The following FAM161B variants were observed in gnomAD, a reference collection of about 807,000 sequenced individuals.
FAM161B encodes protein FAM161B.
FAM161B carries 46 observed loss-of-function variants against 61.5 expected under a neutral mutation model. The observed-to-expected ratio is 0.75, with a 90% confidence interval of 0.59 to 0.96. The LOEUF (loss-of-function observed/expected upper bound fraction) is 0.96, where lower values mean the gene tolerates loss of function less well. FAM161B is among the 40% of genes least tolerant of loss of function. The probability of loss-of-function intolerance (pLI) is 0.00; values close to 1 mark genes in which losing one functional copy is unlikely to be tolerated. For missense variants in FAM161B, 774 were observed against 800.7 expected (o/e 0.97, Z 0.40); for synonymous variants, 284 against 302.7 (o/e 0.94, Z 0.64).
intron 4 of FAM161B, among the ~76,000 whole-genome samples, chr14:73,941,894 T>C (rs569581193): frequency 1.3e-5 from 2 of 152,138 alleles, no homozygotes; most frequent in Non-Finnish European, 2.9e-5. Flanking sequence ...TTAGTAGAGA[T>C]GGGGTTTTGC....
At chr14:73,945,070 T>G (rs1429233869) in intron 2 of FAM161B, among the ~76,000 whole-genome samples, 185 bp from the exon 3 acceptor site, 2 of 152,152 alleles carry the variant, frequency 1.3e-5, no homozygotes, top group Non-Finnish European at 2.9e-5. Flanking sequence ...TAATGGAAAG[T>G]CTCTTCTCAG....
chr14:73,932,502 G>GAT lies in FAM161B; in HGVS notation c.*1752_*1753dup. On this transcript the variant is annotated 3_prime_UTR_variant, in exon 9 of 9. Coordinates refer to ENST00000286544, the MANE Select transcript of FAM161B (RefSeq NM_152445.3). The stretch of plus-strand genomic sequence containing the variant: ...ATCTGAGAAAATGGCAATAAAAACA[G>GAT]ATACTTCTGAATTTTTCCACAAAGA... 2.2e-6 allele frequency: 1 copy of GAT among 450,770 alleles called. No homozygotes were observed. Among genetic ancestry groups the GAT allele is most frequent in the Non-Finnish European group, 4.4e-6 (1 of 225,638 alleles). The allele number at this position is 450,770 out of a possible 1,614,324, so 27.9% of individuals were successfully genotyped here. A position where few individuals can be genotyped will look rare whatever the true frequency, so the allele number is the denominator to read the frequency against.
At chr14:73,927,853 T>TTTTA (rs2055856927), downstream of FAM161B, 1 of 152,536 alleles carries the variant, frequency 6.6e-6, no homozygotes, top group Non-Finnish European at 1.4e-5. Flanking sequence ...TTTTTTAATT[T>TTTTA]TTTAGACGGA....
rs1042756392 is a variant in FAM161B, at chr14:73,946,594, G to A, written c.66C>T (p.Pro22=). Residue 22 remains proline (P), a synonymous_variant, in exon 2 of 9, where the codon CCC becomes CCT. Transcript: ENST00000286544. ...CTGCCTCTGTGTCTGCGAAGGACTC[G>A]GGGGGAAATATCTAAAATAGAATAG... ...GAEGSRQIFP[P]ESFADTEAGE... is the part of the protein sequence containing the mutation. 22 of 1,612,432 alleles carry A rather than the reference G, an allele frequency of 1.4e-5. No individual in the cohort carries two copies. Among genetic ancestry groups the A allele is most frequent in the East Asian group, 4.5e-5 (2 of 44,846 alleles).
At chr14:73,927,423 T>C (rs558195174), downstream of FAM161B, among the ~76,000 whole-genome samples, 1 of 152,202 alleles carries the variant, frequency 6.6e-6, no homozygotes, top group African/African-American at 2.4e-5. Flanking sequence ...TCATCAACCA[T>C]AGGGTTGCCC....
rs1049139615 is a variant in FAM161B at position 73,942,417 on chromosome 14, C to T, written c.1224G>A (p.Leu408=). Residue 408 remains leucine (L), a synonymous_variant, in exon 4 of 9, where the codon CTG becomes CTA. Coordinates refer to ENST00000286544, the MANE Select transcript of FAM161B (RefSeq NM_152445.3). The part of the protein sequence containing the change: ...NKPFLLRTAN[L]RHPQRPCDAA... ...CATCACAGGGCCGCTGAGGGTGGCG[C>T]AGGTTGGCGGTCCTCAGCAAGAAGG... 1 of 1,614,058 alleles carries T rather than the reference C, an allele frequency of 6.2e-7. No homozygotes were observed. The highest frequency in any genetic ancestry group is 8.5e-7 in the Non-Finnish European group (1 of 1,180,032).
intron 8 of FAM161B, among the ~76,000 whole-genome samples, chr14:73,935,009 G>A (rs1407265402): frequency 6.6e-6 from 1 of 151,404 alleles, no homozygotes; most frequent in Non-Finnish European, 1.5e-5. Flanking sequence ...ACTGCAGTGA[G>A]CCAAGACTGC....
intron 8 of FAM161B, among the ~76,000 whole-genome samples, chr14:73,935,403 C>G (rs1269775799): frequency 6.6e-6 from 1 of 151,960 alleles, no homozygotes; most frequent in Non-Finnish European, 1.5e-5. Context: ...TGGCGGGAGC[C>G]TGTAATCCCA....
chr14:73,940,365 G>A (rs1042874822), intron 5 of FAM161B, among the ~76,000 whole-genome samples: 75 of 152,070 alleles, frequency 4.9e-4, no homozygotes, highest in African/African-American at 1.8e-3. Context: ...TCATATTTGC[G>A]GCAACTTCAG....
chr14:73,944,956 C>G, intron 2 of FAM161B, 71 bp from the exon 3 acceptor site: 7 of 1,279,566 alleles, frequency 5.5e-6, no homozygotes, highest in Non-Finnish European at 7.2e-6. Context: ...AGACCTCCTC[C>G]CCAGTCCTCC....
At chr14:73,923,346 G>GT in the FAM161B span, 1 of 1,592,506 alleles carries the variant, frequency 6.3e-7, no homozygotes, top group Admixed American at 1.7e-5. Context: ...CCAGATAGGT[G>GT]TATCTCTGGA....
At position 73,942,666 on chromosome 14, in the gene FAM161B, C is replaced by T. The variant is rs369870556; in HGVS notation, c.975G>A (p.Met325Ile). ...KIRIQMRALD[M>I]LQMASSPIAS... is the part of the protein sequence containing the mutation. ...CGATAGGGGAAGAGGCCATCTGGAG[C>T]ATGTCCAGGGCTCTCATTTGGATGC... Residue 325 changes from methionine to isoleucine, a missense_variant, in exon 4 of 9, where the codon ATG (methionine) becomes ATA (isoleucine). By Grantham distance (10) the Met-to-Ile change is conservative (BLOSUM62 1). Transcript: ENST00000286544. The T allele has an allele frequency of 6.2e-6, 10 of 1,614,068 alleles. No homozygotes were observed. The African/African-American group carries it at 1.2e-4, about 19-fold the overall frequency.
rs113142076 is a variant in FAM161B at position 73,935,239 on chromosome 14, T to C, written c.1805+710A>G. ...CCTTTGACTCAATATCAAAATGGGT[T>C]ATGGAGGGCCGGGCGCGGTCACTCA... On this transcript the variant is annotated intron_variant, in intron 8 of 8. Transcript: ENST00000286544. 9.0e-3 allele frequency among the ~76,000 whole-genome samples: 1,370 copies of C among 151,852 alleles called. 12 individuals carry two copies. The highest frequency in any genetic ancestry group is 0.032 in the African/African-American group (1,307 of 41,424).
intron 2 of FAM161B, among the ~76,000 whole-genome samples, chr14:73,945,723 C>T (rs540131835): frequency 3.4e-4 from 52 of 151,676 alleles, no homozygotes; most frequent in African/African-American, 1.1e-3. Flanking sequence ...ACACGGTGCC[C>T]GGCCCATTTT....
Position 73,944,820 on chromosome 14 carries a change from G to A in FAM161B, c.440C>T (p.Thr147Ile), listed in dbSNP as rs764405093. The change falls in exon 3 of 9, where the codon ACC (threonine) becomes ATC (isoleucine). Residue 147 changes from threonine to isoleucine, a missense_variant. Physicochemically the swap from Thr to Ile is moderately conservative, Grantham distance 89. Coordinates refer to ENST00000286544, the MANE Select transcript of FAM161B (RefSeq NM_152445.3). The stretch of plus-strand genomic sequence containing the variant: ...AGGCCGGGAGCCTGAGGGTGGCTGG[G>A]TCTGAGGCCTGGGAATGTTGGAGGG... The part of the protein sequence containing the change: ...NLPSNIPRPQ[T>I]QPPSGSRPPS... The A allele has an allele frequency of 3.9e-6, 6 of 1,554,292 alleles. No homozygotes were observed. Among genetic ancestry groups the A allele is most frequent in the African/African-American group, 1.4e-5 (1 of 73,018 alleles).
intron 5 of FAM161B, among the ~76,000 whole-genome samples, chr14:73,940,662 A>G (rs1288512067): frequency 6.6e-6 from 1 of 152,202 alleles, no homozygotes; most frequent in Non-Finnish European, 1.5e-5. Context: ...AGACTAGATA[A>G]TAAACTGGAG....
chr14:73,933,909 C>T lies in FAM161B; in HGVS notation c.*347G>A, dbSNP rs907250381. 11 of 195,636 alleles carry T rather than the reference C, an allele frequency of 5.6e-5. No homozygotes were observed. Among genetic ancestry groups the T allele is most frequent in the Non-Finnish European group, 1.2e-4 (11 of 95,566 alleles). The allele number at this position is 195,636 out of a possible 1,614,324, so 12.1% of individuals were successfully genotyped here. ...TGATCTCAGCTCATTACAACCTCTG[C>T]CTCTTGGGTTCAAGTGATTCTCCTG... On this transcript the variant is annotated 3_prime_UTR_variant, in exon 9 of 9. Transcript: ENST00000286544.
downstream of FAM161B, among the ~76,000 whole-genome samples, chr14:73,926,951 T>C (rs2055842066): frequency 6.6e-6 from 1 of 152,354 alleles, no homozygotes; most frequent in Admixed American, 6.5e-5. Context: ...CACATGACAA[T>C]CAGTTGATCT....
Position 73,933,593 on chromosome 14 carries a change from A to G in FAM161B, c.*663T>C, listed in dbSNP as rs1201258957. ...TGTAGTAACTCTGAGCCTATATTCC[A>G]GCAGGATTTGATACTTTCCAGTGTC... On this transcript the variant is annotated 3_prime_UTR_variant, in exon 9 of 9. Coordinates refer to ENST00000286544, the MANE Select transcript of FAM161B (RefSeq NM_152445.3). The G allele has an allele frequency of 6.6e-6, 1 of 152,352 alleles. No individual in the cohort carries two copies. The highest frequency in any genetic ancestry group is 3.4e-3 in the Middle Eastern group (1 of 294). The allele number at this position is 152,352 out of a possible 1,614,324, so 9.4% of individuals were successfully genotyped here. A position where few individuals can be genotyped will look rare whatever the true frequency, so the allele number is the denominator to read the frequency against.
Sources: gnomAD v4.1 joint callset for allele counts (sites outside exome capture counted in the v4.1 genomes callset) on GRCh38, gnomAD v4.1.1 for gene constraint, MANE v1.5 for transcripts, NCBI Gene and HGNC (gene_info 2026-07-23, HGNC 2026-07-21) for gene names.